TBCK: variants seen among roughly 807,000 people sequenced by gnomAD.
The protein encoded by TBCK is TBC1 domain containing kinase.
TBCK carries 99 observed loss-of-function variants against 113.4 expected under a neutral mutation model. That is an observed-to-expected ratio of 0.87 (90% CI 0.74 to 1.03). The LOEUF (loss-of-function observed/expected upper bound fraction) is 1.03, where lower values mean the gene tolerates loss of function less well. Among genes scored for constraint, TBCK ranks in the 50% least tolerant of loss-of-function variants. The pLI is 0.00. For synonymous variants in TBCK, 369 were observed against 370.8 expected (o/e 1.00, Z 0.05); for missense variants, 1,045 against 1,061.3 (o/e 0.98, Z 0.21).
In TBCK at chr4:106,239,458, TGAA is replaced by T. The variant is rs368007008; in HGVS notation, c.1171-2653_1171-2651del. Among the ~76,000 whole-genome samples the T allele has an allele frequency of 9.6e-4, 146 of 152,022 alleles. 3 individuals carry two copies. In the East Asian group the frequency reaches 0.025, roughly 26 times the overall value. On this transcript the variant is annotated intron_variant, in intron 12 of 25. Coordinates refer to ENST00000394708, the MANE Select transcript of TBCK (RefSeq NM_001163435.3). The stretch of plus-strand genomic sequence containing the variant: ...GGAAGAAAACATATAACACATCAAA[TGAA>T]GAGAAGTACAATGGAGGAAAAAAAC...
intron 24 of TBCK, among the ~76,000 whole-genome samples, chr4:106,110,937 G>A (rs1742777153): frequency 6.6e-6 from 1 of 151,842 alleles, no homozygotes; most frequent in Non-Finnish European, 1.5e-5. Context: ...CTCTTAGCCT[G>A]CCTGGTAATG....
intron 19 of TBCK, among the ~76,000 whole-genome samples, chr4:106,216,178 G>T (rs1480544268): frequency 6.6e-6 from 1 of 151,460 alleles, no homozygotes; most frequent in Middle Eastern, 3.2e-3. Context: ...CGAGAACAAA[G>T]ACACAACATA....
At chr4:106,253,582 T>C (rs1366391765) in intron 5 of TBCK, among the ~76,000 whole-genome samples, 1 of 152,158 alleles carries the variant, frequency 6.6e-6, no homozygotes, top group East Asian at 1.9e-4. Flanking sequence ...TGAATGACTG[T>C]TCCTATTGTT....
At position 106,235,291 on chromosome 4, in the gene TBCK, C is replaced by G; in HGVS notation, c.1427G>C (p.Trp476Ser). ...DIPPLMRGLT[W>S]AALLGVEGAI... ...TACCTCAACTCCCAGAAGAGCAGCC[C>G]AGGTTAAACCTCTCATAAGAGGAGG... The change falls in exon 15 of 26, where the codon TGG (tryptophan) becomes TCG (serine). Residue 476 changes from tryptophan to serine, a missense_variant. By Grantham distance (177) the Trp-to-Ser change is radical (BLOSUM62 -3). Coordinates refer to ENST00000394708, the MANE Select transcript of TBCK (RefSeq NM_001163435.3). 6.2e-7 allele frequency: 1 copy of G among 1,606,968 alleles called. No individual in the cohort carries two copies. Among genetic ancestry groups the G allele is most frequent in the Non-Finnish European group, 8.5e-7 (1 of 1,177,222 alleles).
chr4:106,198,925 A>G (rs1560806018), intron 20 of TBCK, among the ~76,000 whole-genome samples: 1 of 152,154 alleles, frequency 6.6e-6, no homozygotes, highest in Non-Finnish European at 1.5e-5. Context: ...GGCCTTTCCT[A>G]TCATATTCTC....
At chr4:106,182,159 G>A in intron 22 of TBCK, among the ~76,000 whole-genome samples, 1 of 152,018 alleles carries the variant, frequency 6.6e-6, no homozygotes, top group South Asian at 2.1e-4. Flanking sequence ...TCATGATTTG[G>A]CTCTCTGTTT....
chr4:106,208,905 G>A (rs996874576), intron 20 of TBCK, among the ~76,000 whole-genome samples: 5 of 152,102 alleles, frequency 3.3e-5, no homozygotes, highest in South Asian at 2.1e-4. Flanking sequence ...TCATCCAGAC[G>A]CCGGCTCCCA....
At chr4:106,215,425 T>G (rs1242447668) in intron 19 of TBCK, among the ~76,000 whole-genome samples, 2 of 152,110 alleles carry the variant, frequency 1.3e-5, no homozygotes, top group African/African-American at 4.8e-5. Context: ...ACTGGCAAAT[T>G]GGATAAAGAG....
At chr4:106,230,866 A>G (rs1355364683) in intron 18 of TBCK, among the ~76,000 whole-genome samples, 2 of 151,802 alleles carry the variant, frequency 1.3e-5, no homozygotes, top group Non-Finnish European at 3.0e-5. Flanking sequence ...TCAAACACAG[A>G]CCCCTGACTA....
chr4:106,152,099 C>T (rs1431206920), intron 23 of TBCK, among the ~76,000 whole-genome samples: 2 of 151,802 alleles, frequency 1.3e-5, no homozygotes, highest in Non-Finnish European at 2.9e-5. Context: ...ATTGCTCTGG[C>T]TAGTACTTCC....
intron 23 of TBCK, among the ~76,000 whole-genome samples, chr4:106,117,414 A>T (rs1447304259): frequency 6.6e-6 from 1 of 152,228 alleles, no homozygotes; most frequent in Non-Finnish European, 1.5e-5. Context: ...TGATTCTCAG[A>T]GATGAATAAA....
intron 25 of TBCK, 87 bp from the exon 26 acceptor site, chr4:106,046,767 ATTAAT>A (rs1734261746): frequency 9.4e-6 from 6 of 639,770 alleles, no homozygotes; most frequent in East Asian, 2.8e-5. Context: ...GAAAGACAAA[ATTAAT>A]TTAATGTTAT....
intron 17 of TBCK, 47 bp from the exon 18 acceptor site, chr4:106,231,826 G>A (rs1460648749): frequency 6.5e-7 from 1 of 1,527,428 alleles, no homozygotes; most frequent in Non-Finnish European, 9.0e-7. Context: ...ATATAATCTA[G>A]TAGAATTGAA....
At chr4:106,131,756 GA>G (rs1194235917) in intron 23 of TBCK, among the ~76,000 whole-genome samples, 2 of 152,176 alleles carry the variant, frequency 1.3e-5, no homozygotes, top group Admixed American at 1.3e-4. Context: ...GAAGAAGATG[GA>G]AAAAGGTGGG....
chr4:106,121,421 A>C, intron 23 of TBCK, among the ~76,000 whole-genome samples: 1 of 144,256 alleles, frequency 6.9e-6, no homozygotes, highest in African/African-American at 2.6e-5. Context: ...ACACATTAAT[A>C]ATGGGAGACT....
chr4:106,168,928 C>A (rs1017669288), intron 23 of TBCK, among the ~76,000 whole-genome samples: 2 of 151,838 alleles, frequency 1.3e-5, no homozygotes, highest in African/African-American at 4.8e-5. Context: ...CCAAAATGTT[C>A]CAAAATCGGA....
intron 1 of TBCK, among the ~76,000 whole-genome samples, chr4:106,315,078 C>A (rs1011744769): frequency 8.6e-5 from 13 of 152,008 alleles, no homozygotes; most frequent in African/African-American, 3.1e-4. Context: ...AAGGCTCACA[C>A]ACAAAAATAC....
At chr4:106,060,968 G>A (rs1735968564) in intron 25 of TBCK, among the ~76,000 whole-genome samples, 1 of 151,752 alleles carries the variant, frequency 6.6e-6, no homozygotes, top group South Asian at 2.1e-4. Context: ...TAGAAGCAGA[G>A]CCTGAGATGT....
intron 3 of TBCK, among the ~76,000 whole-genome samples, chr4:106,280,142 G>A (rs1258549265): frequency 6.6e-6 from 1 of 152,102 alleles, no homozygotes; most frequent in Non-Finnish European, 1.5e-5. Context: ...GGAGTGAGAT[G>A]ATATCTTAGT....
Sources: allele counts gnomAD v4.1 joint callset (sites outside exome capture counted in the v4.1 genomes callset), GRCh38; gene constraint gnomAD v4.1.1; transcripts MANE v1.5; gene names NCBI Gene and HGNC (gene_info 2026-07-23, HGNC 2026-07-21).